The following CDKL1 variants were observed in gnomAD, a reference collection of about 807,000 sequenced individuals.
The protein encoded by CDKL1 is cyclin-dependent kinase-like 1.
CDKL1 carries 41 observed loss-of-function variants against 42.0 expected under a neutral mutation model. The ratio of observed to expected loss-of-function variants is 0.98; its 90% CI spans 0.76 to 1.27. The LOEUF is 1.27. CDKL1 is among the 50% of genes most tolerant of loss of function. The probability of loss-of-function intolerance (pLI) is 0.00; values close to 1 mark genes in which losing one functional copy is unlikely to be tolerated. For synonymous variants in CDKL1, 153 were observed against 158.6 expected (o/e 0.96, Z 0.26); for missense variants, 394 against 428.4 (o/e 0.92, Z 0.71).
chr14:50,370,593 G>C (rs2034563340), intron 2 of CDKL1, among the ~76,000 whole-genome samples: 1 of 152,174 alleles, frequency 6.6e-6, no homozygotes, highest in Non-Finnish European at 1.5e-5. Flanking sequence ...ACCTGAGACT[G>C]GGTAATTTAT....
chr14:50,372,950 G>A (rs2034629946), intron 2 of CDKL1, among the ~76,000 whole-genome samples: 1 of 151,762 alleles, frequency 6.6e-6, no homozygotes, highest in South Asian at 2.1e-4. Flanking sequence ...TTATAAAATA[G>A]TTTGAAATCA....
intron 2 of CDKL1, among the ~76,000 whole-genome samples, chr14:50,382,314 G>A (rs28487292): frequency 0.35 from 52,443 of 151,926 alleles, 9,753 homozygotes; most frequent in African/African-American, 0.46. Context: ...TTAGCCAGGC[G>A]TGGTAGCGGG....
intron 3 of CDKL1, among the ~76,000 whole-genome samples, chr14:50,347,775 C>G (rs1467708220): frequency 6.6e-6 from 1 of 152,018 alleles, no homozygotes; most frequent in Non-Finnish European, 1.5e-5. Flanking sequence ...CTGAATGAAG[C>G]CAATTAAGGA....
chr14:50,326,479 A>G lies in CDKL1; in HGVS notation c.*3595T>C, dbSNP rs762552673. 1 of 985,452 alleles carries G rather than the reference A, an allele frequency of 1.0e-6. No homozygotes were observed. Among genetic ancestry groups the G allele is most frequent in the African/African-American group, 1.7e-5 (1 of 57,362 alleles). 61.0% of individuals were successfully genotyped at this position (985,452 alleles called of 1,614,324 possible). On this transcript the variant is annotated 3_prime_UTR_variant, in exon 10 of 10. Transcript: ENST00000395834. Reference sequence around the variant, plus strand: ...ATTCATTGATGGAGTCAATTATGCAAAGTGGTCAGTGGTTGTTGAAGCATG... The same window carrying G: ...ATTCATTGATGGAGTCAATTATGCAGAGTGGTCAGTGGTTGTTGAAGCATG...
chr14:50,369,531 A>G (rs1476773036), intron 2 of CDKL1, among the ~76,000 whole-genome samples: 5 of 150,460 alleles, frequency 3.3e-5, no homozygotes, highest in African/African-American at 1.2e-4. Context: ...GCTTTATTGT[A>G]AATTGTAAAC....
At chr14:50,383,091 C>T (rs747533153) in intron 2 of CDKL1, among the ~76,000 whole-genome samples, 4 of 152,004 alleles carry the variant, frequency 2.6e-5, no homozygotes, top group Non-Finnish European at 4.4e-5. Context: ...CCACGCCTGG[C>T]TAATTTTTTG....
In CDKL1 at chr14:50,359,047, A is replaced by T; in HGVS notation, c.271T>A (p.Leu91Met). The T allele has an allele frequency of 6.2e-7, 1 of 1,612,462 alleles. No individual in the cohort carries two copies. Among genetic ancestry groups the T allele is most frequent in the Non-Finnish European group, 8.5e-7 (1 of 1,178,776 alleles). Residue 91 changes from leucine (L) to methionine (M), a missense_variant, in exon 3 of 10, where the codon TTG (leucine) becomes ATG (methionine). By Grantham distance (15) the Leu-to-Met change is conservative. Coordinates refer to ENST00000395834, the MANE Select transcript of CDKL1 (RefSeq NM_004196.7). ...ACTCACCCTCTTTGGTATCTGTCCA[A>T]CTCATGGAGAACTGTGTGGTCACAA... ...EYCDHTVLHELDRYQRGVPEH... is the reference protein window; with the variant it reads ...EYCDHTVLHEMDRYQRGVPEH...
intron 2 of CDKL1, among the ~76,000 whole-genome samples, chr14:50,360,784 GTT>G (rs1317333586): frequency 2.7e-5 from 3 of 109,258 alleles, no homozygotes; most frequent in East Asian, 2.7e-4. Context: ...ACGTGTGTGT[GTT>G]TGTGTGTGTG....
intron 7 of CDKL1, chr14:50,335,525 G>C (rs2033220021): frequency 6.5e-7 from 1 of 1,535,990 alleles, no homozygotes; most frequent in African/African-American, 1.4e-5. Context: ...AGGCGATTTT[G>C]CGCCAGTCAC....
rs2034876193 is a variant in CDKL1, at chr14:50,380,623, T to C, written c.168+15078A>G. Among the ~76,000 whole-genome samples, 4 of 152,222 alleles carry C rather than the reference T, an allele frequency of 2.6e-5. No individual in the cohort carries two copies. In the South Asian group the frequency reaches 6.2e-4, roughly 24 times the overall value. ...TGTCTTGACGTTCCACTGAATATCA[T>C]GCTGCTCCACTGTATTGATGACATC... On this transcript the variant is annotated intron_variant, in intron 2 of 9. Transcript: ENST00000395834.
At position 50,336,144 on chromosome 14, in the gene CDKL1, G is replaced by A. The variant is rs748422131; in HGVS notation, c.739-1523C>T. The A allele has an allele frequency of 5.1e-6, 7 of 1,365,126 alleles. No homozygotes were observed. In the Admixed American group the frequency reaches 1.3e-4, roughly 26 times the overall value. 84.6% of individuals were successfully genotyped at this position (1,365,126 alleles called of 1,614,324 possible). On this transcript the variant is annotated intron_variant, in intron 7 of 9. Coordinates refer to ENST00000395834, the MANE Select transcript of CDKL1 (RefSeq NM_004196.7). The stretch of plus-strand genomic sequence containing the variant: ...CCAACTGGTTGCCTGTGATACGCTG[G>A]AGCCCATCTGTGAGCGTTTCACAGC...
chr14:50,331,884 G>GTGTT, intron 9 of CDKL1: 1 of 778,704 alleles, frequency 1.3e-6, no homozygotes, highest in Non-Finnish European at 2.0e-6. Flanking sequence ...CAAACCTGGA[G>GTGTT]TGTTAGTTTT....
intron 2 of CDKL1, among the ~76,000 whole-genome samples, chr14:50,379,704 CTG>C (rs1405715232): frequency 6.6e-6 from 1 of 152,114 alleles, no homozygotes; most frequent in Admixed American, 6.5e-5. Context: ...CCAGAAGAAA[CTG>C]AGCAAGCAGA....
Position 50,330,050 on chromosome 14 carries a change from T to C in CDKL1, c.*24A>G, listed in dbSNP as rs766762864. The C allele has an allele frequency of 4.4e-6, 7 of 1,602,150 alleles. No homozygotes were observed. The highest frequency in any genetic ancestry group is 5.9e-6 in the Non-Finnish European group (7 of 1,177,380). On this transcript the variant is annotated 3_prime_UTR_variant, in exon 10 of 10. Coordinates refer to ENST00000395834, the MANE Select transcript of CDKL1 (RefSeq NM_004196.7). Reference sequence around the variant, plus strand: ...TTCAAAGCATCTATTGATTCCTTTTTTAAAATCATGTCTCCTAGCTCCTTT... The same window carrying C: ...TTCAAAGCATCTATTGATTCCTTTTCTAAAATCATGTCTCCTAGCTCCTTT...
chr14:50,372,536 C>T (rs1328831497), intron 2 of CDKL1, among the ~76,000 whole-genome samples: 4 of 152,260 alleles, frequency 2.6e-5, no homozygotes, highest in African/African-American at 9.6e-5. Context: ...TGTGCAGAAA[C>T]TTTTTAGTTT....
intron 2 of CDKL1, among the ~76,000 whole-genome samples, chr14:50,387,222 A>AAGG (rs1595374840): frequency 1.0e-5 from 1 of 98,984 alleles, no homozygotes; most frequent in Non-Finnish European, 2.0e-5. Flanking sequence ...AAAAAAAAAA[A>AAGG]TGGGGGTGGG....
At chr14:50,374,145 T>G (rs1477398562) in intron 2 of CDKL1, among the ~76,000 whole-genome samples, 1 of 152,118 alleles carries the variant, frequency 6.6e-6, no homozygotes, top group Non-Finnish European at 1.5e-5. Flanking sequence ...AAATGCATAT[T>G]GTTAAGTGAG....
intron 3 of CDKL1, among the ~76,000 whole-genome samples, chr14:50,349,945 T>A (rs1307836084): frequency 6.6e-6 from 1 of 152,188 alleles, no homozygotes; most frequent in East Asian, 1.9e-4. Flanking sequence ...ATTTTTGTAT[T>A]TTTAGTAGAG....
At chr14:50,378,357 G>C (rs763504909) in intron 2 of CDKL1, 15 of 1,366,350 alleles carry the variant, frequency 1.1e-5, no homozygotes, top group Non-Finnish European at 1.5e-5. Context: ...CTGCACTCAA[G>C]AATGACAAGA....
Sources: gnomAD v4.1 joint callset for allele counts (sites outside exome capture counted in the v4.1 genomes callset) on GRCh38, gnomAD v4.1.1 for gene constraint, MANE v1.5 for transcripts, NCBI Gene and HGNC (gene_info 2026-07-23, HGNC 2026-07-21) for gene names.